Variants in SDK1 observed in about 807,000 individuals in gnomAD.
SDK1 encodes the protein protein sidekick-1.
A neutral mutation model predicts 245.5 loss-of-function variants in SDK1; 157 were observed. The ratio of observed to expected loss-of-function variants is 0.64; its 90% CI spans 0.56 to 0.73. The LOEUF (loss-of-function observed/expected upper bound fraction) is 0.73. SDK1 is among the 30% of genes least tolerant of loss of function. The pLI, the probability that SDK1 is intolerant of heterozygous loss-of-function variation, is 0.00. For synonymous variants in SDK1, 1,647 were observed against 1,278.5 expected, an observed-to-expected ratio of 1.29 and a Z score of -6.15; for missense variants, 3,583 against 3,002.3, an observed-to-expected ratio of 1.19 and a Z score of -4.52.
At chr7:3,439,347 A>G (rs766839722) in intron 1 of SDK1, among the ~76,000 whole-genome samples, 27 of 152,214 alleles carry the variant, frequency 1.8e-4, no homozygotes, top group Non-Finnish European at 3.4e-4. Context: ...GTCATCATAT[A>G]TGAGTAGCAT....
chr7:3,549,943 T>C (rs1309459390), intron 1 of SDK1, among the ~76,000 whole-genome samples: 1 of 152,094 alleles, frequency 6.6e-6, no homozygotes, highest in Admixed American at 6.6e-5. Flanking sequence ...AATGAAACAA[T>C]GCAGCTTTAT....
intron 44 of SDK1, among the ~76,000 whole-genome samples, chr7:4,264,064 G>A (rs71524030): frequency 0.046 from 659 of 14,190 alleles, 91 homozygotes; most frequent in African/African-American, 0.18. Flanking sequence ...CTCCTGAGTG[G>A]GGGAGGCCGC....
chr7:3,667,633 A>C (rs992549145), intron 4 of SDK1, among the ~76,000 whole-genome samples: 2 of 152,210 alleles, frequency 1.3e-5, no homozygotes, highest in African/African-American at 2.4e-5. Context: ...CCTGGCAGTC[A>C]CAGATCTGTT....
intron 29 of SDK1, 73 bp from the exon 30 acceptor site, chr7:4,149,189 G>T: frequency 7.8e-7 from 1 of 1,284,070 alleles, no homozygotes; most frequent in East Asian, 2.9e-5. Context: ...GTACAGCAGC[G>T]TAGCCTCCTG....
Position 3,967,488 on chromosome 7 carries a change from C to G in SDK1, c.1546+54C>G, listed in dbSNP as rs535120135. The G allele has an allele frequency of 8.5e-6, 9 of 1,054,486 alleles. No individual in the cohort carries two copies. The South Asian group carries it at 1.2e-4, about 14-fold the overall frequency. The allele number at this position is 1,054,486 out of a possible 1,614,324, so 65.3% of individuals were successfully genotyped here. ...ATGGCCCATGTAGAACATAACCTAT[C>G]GGGCCAGTGCTTGCTTCTTATTCAC... On this transcript the variant is annotated intron_variant, in intron 10 of 44. Transcript: ENST00000404826.
intron 19 of SDK1, among the ~76,000 whole-genome samples, chr7:4,064,079 G>A (rs1290737962): frequency 6.6e-6 from 1 of 151,974 alleles, no homozygotes; most frequent in Non-Finnish European, 1.5e-5. Flanking sequence ...ATAGACAAAT[G>A]GGACTATATC....
intron 4 of SDK1, among the ~76,000 whole-genome samples, chr7:3,688,918 C>T (rs567352602): frequency 3.3e-5 from 5 of 152,266 alleles, no homozygotes; most frequent in South Asian, 2.1e-4. Context: ...CCCACCTCCC[C>T]GACCCTATGA....
At chr7:4,024,276 T>C (rs1425515787) in intron 17 of SDK1, among the ~76,000 whole-genome samples, 4 of 152,220 alleles carry the variant, frequency 2.6e-5, no homozygotes, top group Non-Finnish European at 4.4e-5. Flanking sequence ...AAAGTAAGGA[T>C]TATAAATGAG....
intron 5 of SDK1, among the ~76,000 whole-genome samples, chr7:3,849,618 C>G (rs1780370317): frequency 6.6e-6 from 1 of 152,164 alleles, no homozygotes; most frequent in African/African-American, 2.4e-5. Context: ...GAGCCTTATT[C>G]TGACTAGTGA....
intron 35 of SDK1, among the ~76,000 whole-genome samples, chr7:4,182,121 G>A (rs933566065): frequency 1.6e-4 from 24 of 152,104 alleles, no homozygotes; most frequent in African/African-American, 4.6e-4. Context: ...GGGTTTCACC[G>A]TGTTAGCCAG....
intron 25 of SDK1, among the ~76,000 whole-genome samples, chr7:4,125,248 G>T (rs973133328): frequency 6.0e-5 from 9 of 150,762 alleles, no homozygotes; most frequent in Non-Finnish European, 8.9e-5. Context: ...ATGGAGGAAT[G>T]AATGGATGGA....
At position 3,638,918 on chromosome 7, in the gene SDK1, C is replaced by G. The variant is rs1782558640; in HGVS notation, c.459-86C>G. The stretch of plus-strand genomic sequence containing the variant: ...GCATATACTAGATGAGATGCCAGTG[C>G]TGTTTGATAAAATAGCATCTGATGG... On this transcript the variant is annotated intron_variant, in intron 2 of 44. Coordinates refer to ENST00000404826, the MANE Select transcript of SDK1 (RefSeq NM_152744.4). 4 of 711,798 alleles carry G rather than the reference C, an allele frequency of 5.6e-6. No individual in the cohort carries two copies. The Admixed American group carries it at 7.2e-5, about 13-fold the overall frequency. 44.1% of individuals were successfully genotyped at this position (711,798 alleles called of 1,614,324 possible).
intron 1 of SDK1, among the ~76,000 whole-genome samples, chr7:3,484,407 T>C (rs889493497): frequency 2.0e-5 from 3 of 152,058 alleles, no homozygotes; most frequent in South Asian, 2.1e-4. Flanking sequence ...GGGACATGAG[T>C]GTGTGAGGAT....
At chr7:3,658,123 C>A (rs894241847) in intron 4 of SDK1, among the ~76,000 whole-genome samples, 2 of 152,174 alleles carry the variant, frequency 1.3e-5, no homozygotes, top group Non-Finnish European at 2.9e-5. Flanking sequence ...CCTGGCTTGC[C>A]CGCCTCACAG....
chr7:3,760,870 A>C (rs1780076621), intron 4 of SDK1, among the ~76,000 whole-genome samples: 1 of 152,248 alleles, frequency 6.6e-6, no homozygotes, highest in Non-Finnish European at 1.5e-5. Flanking sequence ...TGTGTGAATC[A>C]ACAGTTCATT....
chr7:3,756,534 A>G (rs944545552), intron 4 of SDK1, among the ~76,000 whole-genome samples: 1 of 152,158 alleles, frequency 6.6e-6, no homozygotes, highest in East Asian at 1.9e-4. Context: ...ATGTGTGTCA[A>G]TAGCATCACT....
intron 1 of SDK1, among the ~76,000 whole-genome samples, chr7:3,512,799 T>C (rs1782624698): frequency 6.6e-6 from 1 of 152,196 alleles, no homozygotes; most frequent in Non-Finnish European, 1.5e-5. Flanking sequence ...TTGGGGTAAA[T>C]ATTCCATCTG....
At chr7:3,739,714 G>A (rs926343613) in intron 4 of SDK1, among the ~76,000 whole-genome samples, 39 of 152,128 alleles carry the variant, frequency 2.6e-4, no homozygotes, top group African/African-American at 9.2e-4. Flanking sequence ...AATATAATTA[G>A]GATAGCTAAT....
chr7:3,599,315 G>C (rs1281636934), intron 1 of SDK1, among the ~76,000 whole-genome samples: 1 of 151,854 alleles, frequency 6.6e-6, no homozygotes, highest in African/African-American at 2.4e-5. Context: ...TTTCTATTTG[G>C]ATTGTTTGTT....
Sources: allele counts gnomAD v4.1 joint callset (sites outside exome capture counted in the v4.1 genomes callset), GRCh38; gene constraint gnomAD v4.1.1; transcripts MANE v1.5; gene names NCBI Gene and HGNC (gene_info 2026-07-23, HGNC 2026-07-21).